ZMYM2: variants seen among roughly 807,000 people sequenced by gnomAD.
ZMYM2 encodes zinc finger MYM-type containing 2, also known as zinc finger MYM-type protein 2.
A neutral mutation model predicts 162.8 loss-of-function variants in ZMYM2; 56 were observed. The ratio of observed to expected loss-of-function variants is 0.34; its 90% CI spans 0.28 to 0.43. The LOEUF (loss-of-function observed/expected upper bound fraction) is 0.43. Among genes scored for constraint, ZMYM2 ranks in the 20% least tolerant of loss-of-function variants. The probability of loss-of-function intolerance (pLI) is 1.00; values close to 1 mark genes in which losing one functional copy is unlikely to be tolerated. For synonymous variants in ZMYM2, 510 were observed against 541.6 expected (o/e 0.94, Z 0.81); for missense variants, 1,275 against 1,621.8 (o/e 0.79, Z 3.67).
At chr13:19,865,006 T>C in the ZMYM2 span, 1 of 152,274 alleles carries the variant, frequency 6.6e-6, no homozygotes, top group African/African-American at 2.4e-5. Flanking sequence ...GGTGAAATAC[T>C]TACCTTATGT....
chr13:19,941,464 T>C, the ZMYM2 span, among the ~76,000 whole-genome samples: 1 of 152,144 alleles, frequency 6.6e-6, no homozygotes, highest in Non-Finnish European at 1.5e-5. Flanking sequence ...CCTAATAGTG[T>C]GAGCAGGGAG....
the ZMYM2 span, among the ~76,000 whole-genome samples, chr13:19,925,742 G>A: frequency 1.3e-5 from 2 of 151,384 alleles, no homozygotes; most frequent in East Asian, 2.0e-4. Flanking sequence ...CATGTAGCAC[G>A]CACCTGTATT....
intron 10 of ZMYM2, among the ~76,000 whole-genome samples, chr13:20,031,815 A>G (rs990532730): frequency 1.3e-5 from 2 of 151,012 alleles, no homozygotes; most frequent in South Asian, 4.2e-4. Context: ...ATTAGAATGT[A>G]TCAGTCATAT....
At chr13:19,909,238 T>G in the ZMYM2 span, among the ~76,000 whole-genome samples, 1 of 152,260 alleles carries the variant, frequency 6.6e-6, no homozygotes, top group South Asian at 2.1e-4. Context: ...CATTAGGAGA[T>G]GCTCAATCTA....
the ZMYM2 span, among the ~76,000 whole-genome samples, chr13:19,900,685 C>T: frequency 6.6e-6 from 1 of 152,078 alleles, no homozygotes; most frequent in African/African-American, 2.4e-5. Context: ...AAATCCTCAA[C>T]TTGATGTAGT....
At chr13:20,080,715 C>T (rs1270975471) in intron 21 of ZMYM2, among the ~76,000 whole-genome samples, 1 of 152,130 alleles carries the variant, frequency 6.6e-6, no homozygotes, top group Non-Finnish European at 1.5e-5. Context: ...GTCTTGAACT[C>T]CTGAGCTCAA....
intron 21 of ZMYM2, among the ~76,000 whole-genome samples, chr13:20,073,579 TTTC>T (rs1957249193): frequency 6.6e-6 from 1 of 152,220 alleles, no homozygotes; most frequent in South Asian, 2.1e-4. Context: ...GATTTTAGTG[TTTC>T]TTCTTTTTCA....
rs531842000 is a variant in ZMYM2, at chr13:20,066,187, A to C, written c.3133-664A>C. On this transcript the variant is annotated intron_variant, in intron 19 of 24. Transcript: ENST00000610343. ...TCTTTTCTAATTTCATGACACATTAAACAAATAACTATATTTTTATGACAG... is the reference window on the plus strand; with the variant it reads ...TCTTTTCTAATTTCATGACACATTACACAAATAACTATATTTTTATGACAG... 1.9e-3 allele frequency among the ~76,000 whole-genome samples: 285 copies of C among 152,340 alleles called. 1 individual carries two copies. Among genetic ancestry groups the C allele is most frequent in the African/African-American group, 6.6e-3 (273 of 41,570 alleles).
the ZMYM2 span, among the ~76,000 whole-genome samples, chr13:19,895,672 G>T: frequency 5.9e-5 from 9 of 151,872 alleles, no homozygotes; most frequent in Non-Finnish European, 1.3e-4. Context: ...CAGAGCCTAC[G>T]TGATGCAATT....
chr13:20,068,126 T>C (rs1956816046), intron 21 of ZMYM2: 3 of 179,876 alleles, frequency 1.7e-5, no homozygotes, highest in Admixed American at 1.3e-4. Flanking sequence ...GGTGCAGATA[T>C]ATAGTGCATG....
chr13:19,967,086 C>A (rs976956301), intron 2 of ZMYM2, among the ~76,000 whole-genome samples: 23 of 152,108 alleles, frequency 1.5e-4, no homozygotes, highest in Admixed American at 8.5e-4. Flanking sequence ...TTTTCAAGGA[C>A]CTTACTCTTC....
intron 14 of ZMYM2, among the ~76,000 whole-genome samples, chr13:20,052,740 A>G (rs1955478156): frequency 6.6e-6 from 1 of 152,346 alleles, no homozygotes; most frequent in South Asian, 2.1e-4. Context: ...ATTGCCAGAT[A>G]GGCATGAAAA....
upstream of ZMYM2, among the ~76,000 whole-genome samples, chr13:19,957,759 G>A (rs918768181): frequency 4.6e-5 from 7 of 152,226 alleles, no homozygotes; most frequent in South Asian, 6.2e-4. Context: ...CGGCGCCCAA[G>A]GACGCCCCAG....
At chr13:20,077,847 C>CTT (rs11427276) in intron 21 of ZMYM2, among the ~76,000 whole-genome samples, 459 of 143,758 alleles carry the variant, frequency 3.2e-3, no homozygotes, top group Admixed American at 6.5e-3. Flanking sequence ...AAGTTTTTTT[C>CTT]TTTTTTTTTT....
chr13:19,931,507 G>C, the ZMYM2 span, among the ~76,000 whole-genome samples: 261 of 152,190 alleles, frequency 1.7e-3, 8 homozygotes, highest in South Asian at 0.045. Flanking sequence ...TGGCAACCAC[G>C]ATCCTTTTAC....
Position 19,993,482 on chromosome 13 carries a change from A to T in ZMYM2, c.410A>T (p.Asn137Ile), listed in dbSNP as rs748679485. ...TNQGQEKNSS[N>I]FIERRPPETK... is the part of the protein sequence containing the mutation. ...CAAGGGCAAGAGAAAAATTCCTCCA[A>T]TTTTATTGAACGAAGACCTCCTGAG... The change falls in exon 3 of 25, where the codon AAT becomes ATT. Residue 137 changes from asparagine (N) to isoleucine (I), a missense_variant. Coordinates refer to ENST00000610343, the MANE Select transcript of ZMYM2 (RefSeq NM_197968.4). 2 of 1,614,154 alleles carry T rather than the reference A, an allele frequency of 1.2e-6. No homozygotes were observed. The highest frequency in any genetic ancestry group is 1.7e-6 in the Non-Finnish European group (2 of 1,180,006).
chr13:20,083,431 C>T (rs2015040869), intron 23 of ZMYM2, among the ~76,000 whole-genome samples: 1 of 152,150 alleles, frequency 6.6e-6, no homozygotes, highest in African/African-American at 2.4e-5. Flanking sequence ...CCACCTGGGT[C>T]ACTTGTTAAG....
At chr13:19,927,133 T>G in the ZMYM2 span, among the ~76,000 whole-genome samples, 1 of 152,238 alleles carries the variant, frequency 6.6e-6, no homozygotes, top group Non-Finnish European at 1.5e-5. Flanking sequence ...TGTAGTTATA[T>G]CTTTTTCATG....
the ZMYM2 span, among the ~76,000 whole-genome samples, chr13:19,948,016 A>AAAAT: frequency 6.8e-6 from 1 of 147,750 alleles, no homozygotes; most frequent in Non-Finnish European, 1.5e-5. Flanking sequence ...AAAAAAAAAA[A>AAAAT]GTTACATCAA....
Sources: allele counts gnomAD v4.1 joint callset (sites outside exome capture counted in the v4.1 genomes callset), GRCh38; gene constraint gnomAD v4.1.1; transcripts MANE v1.5; gene names NCBI Gene and HGNC (gene_info 2026-07-23, HGNC 2026-07-21).